The following MUC17 variants were observed in gnomAD, a reference collection of about 807,000 sequenced individuals.
The protein encoded by MUC17 is mucin 17, cell surface associated.
In MUC17, 190 loss-of-function variants were observed where a neutral mutation model predicts 170.3. The observed-to-expected ratio is 1.12, with a 90% confidence interval of 0.99 to 1.26. MUC17 has a LOEUF of 1.26. Among genes scored for constraint, MUC17 ranks in the 50% most tolerant of loss-of-function variants. The pLI, the probability that MUC17 is intolerant of heterozygous loss-of-function variation, is 0.00. For synonymous variants in MUC17, 2,325 were observed against 2,002.5 expected, an observed-to-expected ratio of 1.16 and a Z score of -4.30; for missense variants, 6,415 against 5,530.0, an observed-to-expected ratio of 1.16 and a Z score of -5.08.
Position 101,056,194 on chromosome 7 carries a change from A to T in MUC17, c.13364A>T (p.Asp4455Val). 6.2e-7 allele frequency: 1 copy of T among 1,613,922 alleles called. No individual in the cohort carries two copies. Among genetic ancestry groups the T allele is most frequent in the Non-Finnish European group, 8.5e-7 (1 of 1,179,854 alleles). ...ATGGTGCTTTCCATCCCTCCACAAG[A>T]TGATGATTCCATCCACCTGGAGTCC... Reference protein sequence around the residue: ...FQNIGFDICQDDDSIHLESIY... With the variant: ...FQNIGFDICQVDDSIHLESIY... The change falls in exon 12 of 13, where the codon GAT becomes GTT. Residue 4455 changes from aspartate to valine, a missense_variant and splice_region_variant. By Grantham distance (152) the Asp-to-Val change is radical (BLOSUM62 -3). Transcript: ENST00000306151.
Position 101,042,470 on chromosome 7 carries a change from C to T in MUC17, c.11054C>T (p.Pro3685Leu). ...GTGACTCCTGAAGGTACCACCATGCCAATCTGGACGCCTAGTGAAGGAAGC... is the reference window on the plus strand; with the variant it reads ...GTGACTCCTGAAGGTACCACCATGCTAATCTGGACGCCTAGTGAAGGAAGC... ...SPVTPEGTTMPIWTPSEGSTP... is the reference protein window; with the variant it reads ...SPVTPEGTTMLIWTPSEGSTP... The change falls in exon 3 of 13, where the codon CCA (proline) becomes CTA (leucine). Residue 3685 changes from proline to leucine, a missense_variant. Pro to Leu is a moderately conservative substitution (Grantham distance 98). Transcript: ENST00000306151. 1 of 1,613,914 alleles carries T rather than the reference C, an allele frequency of 6.2e-7. No homozygotes were observed. Among genetic ancestry groups the T allele is most frequent in the Non-Finnish European group, 8.5e-7 (1 of 1,179,940 alleles).
chr7:101,056,170 TG>T (rs749754375), intron 11 of MUC17, 23 bp from the exon 12 acceptor site: 2 of 1,613,616 alleles, frequency 1.2e-6, no homozygotes, highest in Non-Finnish European at 1.7e-6. Context: ...CCTGTTTCCA[TG>T]GTGCTTTCCA....
At chr7:101,027,651 A>C (rs1424279982) in intron 1 of MUC17, among the ~76,000 whole-genome samples, 3 of 152,078 alleles carry the variant, frequency 2.0e-5, no homozygotes, top group Non-Finnish European at 4.4e-5. Context: ...CAAGTTTGAA[A>C]ATTTGGGGCC....
rs768805511 is a variant in MUC17 at position 101,038,108 on chromosome 7, C to A, written c.6692C>A (p.Pro2231Gln). The A allele has an allele frequency of 1.4e-6, 2 of 1,398,100 alleles. No homozygotes were observed. The highest frequency in any genetic ancestry group is 1.5e-5 in the African/African-American group (1 of 66,166). The allele number at this position is 1,398,100 out of a possible 1,614,324, so 86.6% of individuals were successfully genotyped here. ...ACAAGTATGCCTGTCAGCACCATGC[C>A]GGTAGTTACTTCTGAGGCTAGCACC... is the stretch of plus-strand genomic sequence containing the variant. ...PFTSMPVSTM[P>Q]VVTSEASTLS... Residue 2231 changes from proline to glutamine, a missense_variant, in exon 3 of 13, where the codon CCG (proline) becomes CAG (glutamine). Transcript: ENST00000306151.
rs747011297 is a variant in MUC17 at position 101,043,010 on chromosome 7, G to T, written c.11594G>T (p.Arg3865Leu). 1 of 1,613,894 alleles carries T rather than the reference G, an allele frequency of 6.2e-7. No homozygotes were observed. The highest frequency in any genetic ancestry group is 1.1e-5 in the South Asian group (1 of 91,046). ...ATACCTGCTGAAGTCACTACCATAC[G>T]TATTTCAATTACCAGTGAAAGAAGC... ...FSIPAEVTTI[R>L]ISITSERSTP... is the part of the protein sequence containing the mutation. Residue 3865 changes from arginine (R) to leucine (L), a missense_variant, in exon 3 of 13, where the codon CGT (arginine) becomes CTT (leucine). By Grantham distance (102) the Arg-to-Leu change is moderately radical. Coordinates refer to ENST00000306151, the MANE Select transcript of MUC17 (RefSeq NM_001040105.2).
Position 101,034,656 on chromosome 7 carries a change from T to G in MUC17, c.3240T>G (p.Ser1080Arg), listed in dbSNP as rs1474606629. The G allele has an allele frequency of 1.9e-6, 3 of 1,606,974 alleles. No individual in the cohort carries two copies. The highest frequency in any genetic ancestry group is 1.7e-5 in the Admixed American group (1 of 59,474). ...CTGTGACCACTTATTCTCAAGCCAG[T>G]TCATCTTCTACAACTGCTGACGGTA... The part of the protein sequence containing the change: ...STPVTTYSQA[S>R]SSSTTADGTS... Residue 1080 changes from serine to arginine, a missense_variant, in exon 3 of 13, where the codon AGT becomes AGG. Transcript: ENST00000306151.
rs374703099 is a variant in MUC17 at position 101,031,211 on chromosome 7, C to T, written c.174C>T (p.His58=). The T allele has an allele frequency of 3.7e-5, 60 of 1,612,682 alleles. No individual in the cohort carries two copies. The highest frequency in any genetic ancestry group is 1.6e-4 in the East Asian group (7 of 44,856). Residue 58 remains histidine, a synonymous_variant, in exon 2 of 13, where the codon CAC becomes CAT. Coordinates refer to ENST00000306151, the MANE Select transcript of MUC17 (RefSeq NM_001040105.2). ...LNRQCQQLSQ[H]VRTGSAANTA... Reference sequence around the variant, plus strand: ...GTCAGTGCCAGCAGCTGTCTCAGCACGTTAGGACAGGTAAGGCAACAGACT... The same window carrying T: ...GTCAGTGCCAGCAGCTGTCTCAGCATGTTAGGACAGGTAAGGCAACAGACT...
chr7:101,021,652 C>A (rs28462681), intron 1 of MUC17, among the ~76,000 whole-genome samples: 12 of 152,252 alleles, frequency 7.9e-5, no homozygotes, highest in African/African-American at 2.9e-4. Context: ...TAGCCTCAGT[C>A]TGCCTTTGTA....
chr7:101,028,093 T>C (rs1343228702), intron 1 of MUC17, among the ~76,000 whole-genome samples: 1 of 131,820 alleles, frequency 7.6e-6, no homozygotes, highest in East Asian at 2.1e-4. Flanking sequence ...TTTTTAATTC[T>C]TTTTTTTTTT....
In MUC17 at chr7:101,037,547, C is replaced by T; in HGVS notation, c.6131C>T (p.Thr2044Ile). The change falls in exon 3 of 13, where the codon ACT becomes ATT. Residue 2044 changes from threonine to isoleucine, a missense_variant. Thr to Ile is a moderately conservative substitution (Grantham distance 89). Coordinates refer to ENST00000306151, the MANE Select transcript of MUC17 (RefSeq NM_001040105.2). ...IQTSTPSERTTPLAGMPVSTT... is the reference protein window; with the variant it reads ...IQTSTPSERTIPLAGMPVSTT... ...ACCTCAACTCCTAGTGAACGGACCA[C>T]TCCATTAGCAGGTATGCCTGTCAGC... 6.2e-7 allele frequency: 1 copy of T among 1,613,994 alleles called. No individual in the cohort carries two copies. The highest frequency in any genetic ancestry group is 1.3e-5 in the African/African-American group (1 of 75,044).
At position 101,033,905 on chromosome 7, in the gene MUC17, C is replaced by T; in HGVS notation, c.2489C>T (p.Pro830Leu). 1 of 1,613,678 alleles carries T rather than the reference C, an allele frequency of 6.2e-7. No homozygotes were observed. Among genetic ancestry groups the T allele is most frequent in the Non-Finnish European group, 8.5e-7 (1 of 1,179,716 alleles). ...GAGGCTAGCACCCTTTCAACAACTC[C>T]TGTTGACTCCAACAGTCCTGTGACC... ...SPEASTLSTTPVDSNSPVTTS... is the reference protein window; with the variant it reads ...SPEASTLSTTLVDSNSPVTTS... Residue 830 changes from proline (P) to leucine (L), a missense_variant, in exon 3 of 13, where the codon CCT (proline) becomes CTT (leucine). Coordinates refer to ENST00000306151, the MANE Select transcript of MUC17 (RefSeq NM_001040105.2).
chr7:101,022,013 C>A (rs1363525286), intron 1 of MUC17, among the ~76,000 whole-genome samples: 1 of 152,186 alleles, frequency 6.6e-6, no homozygotes, highest in Non-Finnish European at 1.5e-5. Flanking sequence ...GCCCTCTCAT[C>A]CCTACACCCA....
chr7:101,020,571 T>C (rs1222581443), intron 1 of MUC17, among the ~76,000 whole-genome samples: 1 of 151,960 alleles, frequency 6.6e-6, no homozygotes, highest in Admixed American at 6.6e-5. Flanking sequence ...ACAAGACTGG[T>C]GTTCAACCCA....
At chr7:101,029,015 C>G (rs907535939) in intron 1 of MUC17, among the ~76,000 whole-genome samples, 1 of 151,938 alleles carries the variant, frequency 6.6e-6, no homozygotes, top group Non-Finnish European at 1.5e-5. Context: ...TGGAGAAACC[C>G]CATCTCTACT....
Position 101,036,193 on chromosome 7 carries a change from C to G in MUC17, c.4777C>G (p.Leu1593Val). 6.2e-7 allele frequency: 1 copy of G among 1,614,018 alleles called. No individual in the cohort carries two copies. The highest frequency in any genetic ancestry group is 8.5e-7 in the Non-Finnish European group (1 of 1,179,970). ...MLVVSSEANT[L>V]STTPIDSKTQ... Reference sequence around the variant, plus strand: ...GGTGGTCAGTTCTGAGGCTAACACCCTTTCAACAACCCCTATTGACTCCAA... The same window carrying G: ...GGTGGTCAGTTCTGAGGCTAACACCGTTTCAACAACCCCTATTGACTCCAA... Residue 1593 changes from leucine (L) to valine (V), a missense_variant, in exon 3 of 13, where the codon CTT (leucine) becomes GTT (valine). Coordinates refer to ENST00000306151, the MANE Select transcript of MUC17 (RefSeq NM_001040105.2).
In MUC17 at chr7:101,031,822, A is replaced by G; in HGVS notation, c.406A>G (p.Thr136Ala). The G allele has an allele frequency of 6.2e-7, 1 of 1,613,348 alleles. No homozygotes were observed. Among genetic ancestry groups the G allele is most frequent in the African/African-American group, 1.3e-5 (1 of 75,034 alleles). ...TTLFPSSTED[T>A]SSPTTPEGTD... ...ACTTTTCCCCAGTTCTACTGAAGAC[A>G]CTTCATCTCCTACAACTCCTGAAGG... is the stretch of plus-strand genomic sequence containing the variant. The change falls in exon 3 of 13, where the codon ACT becomes GCT. Residue 136 changes from threonine to alanine, a missense_variant. Coordinates refer to ENST00000306151, the MANE Select transcript of MUC17 (RefSeq NM_001040105.2).
chr7:101,031,497 C>A, intron 2 of MUC17, 104 bp from the exon 3 acceptor site: 1 of 1,243,106 alleles, frequency 8.0e-7, no homozygotes. Flanking sequence ...GATGACATCC[C>A]TTATCTGAAC....
Position 101,039,421 on chromosome 7 carries a change from G to C in MUC17, c.8005G>C (p.Gly2669Arg), listed in dbSNP as rs759044012. ...DTRTLVTTSTGTSSSPTTAEG... is the reference protein window; with the variant it reads ...DTRTLVTTSTRTSSSPTTAEG... The stretch of plus-strand genomic sequence containing the variant: ...CAGGACACTTGTGACCACTTCCACT[G>C]GAACCAGTTCATCTCCTACAACTGC... Residue 2669 changes from glycine (G) to arginine (R), a missense_variant, in exon 3 of 13, where the codon GGA becomes CGA. Transcript: ENST00000306151. The C allele has an allele frequency of 1.2e-6, 2 of 1,611,414 alleles. No individual in the cohort carries two copies. The highest frequency in any genetic ancestry group is 1.7e-6 in the Non-Finnish European group (2 of 1,179,132).
At chr7:101,054,555 G>A (rs559787779) in intron 11 of MUC17, among the ~76,000 whole-genome samples, 38 of 152,244 alleles carry the variant, frequency 2.5e-4, no homozygotes, top group African/African-American at 7.9e-4. Context: ...GAGGTGAGAC[G>A]CAGTGGCTCA....
Sources: gnomAD v4.1 joint callset for allele counts (sites outside exome capture counted in the v4.1 genomes callset) on GRCh38, gnomAD v4.1.1 for gene constraint, MANE v1.5 for transcripts, NCBI Gene and HGNC (gene_info 2026-07-23, HGNC 2026-07-21) for gene names.